SLC25A21: variants seen among roughly 807,000 people sequenced by gnomAD.
SLC25A21 encodes the protein solute carrier family 25 member 21.
In SLC25A21, 47 loss-of-function variants were observed where a neutral mutation model predicts 43.8. That is an observed-to-expected ratio of 1.07 (90% CI 0.85 to 1.37). SLC25A21 has a LOEUF of 1.37. Ranked by LOEUF, SLC25A21 falls within the 40% of genes most tolerant of loss-of-function variation. SLC25A21 has a pLI of 0.00. For missense variants in SLC25A21, 352 were observed against 350.2 expected, an observed-to-expected ratio of 1.00 and a Z score of -0.04; for synonymous variants, 131 against 121.3, an observed-to-expected ratio of 1.08 and a Z score of -0.52.
At chr14:37,160,327 A>C (rs1193037256) in intron 1 of SLC25A21, among the ~76,000 whole-genome samples, 1 of 152,246 alleles carries the variant, frequency 6.6e-6, no homozygotes, top group Non-Finnish European at 1.5e-5. Context: ...AGTGCCCATG[A>C]AAAGATGACT....
intron 1 of SLC25A21, among the ~76,000 whole-genome samples, chr14:37,167,713 C>T (rs928278292): frequency 6.6e-6 from 1 of 152,076 alleles, no homozygotes; most frequent in Non-Finnish European, 1.5e-5. Flanking sequence ...AGCCTAAGAT[C>T]AGGGCTTGAG....
chr14:36,872,390 A>G (rs754526226), intron 2 of SLC25A21, among the ~76,000 whole-genome samples: 3 of 152,148 alleles, frequency 2.0e-5, no homozygotes, highest in Non-Finnish European at 4.4e-5. Context: ...GATCAATACT[A>G]TTCCCTGGGT....
At chr14:36,864,309 A>C (rs540330159) in intron 2 of SLC25A21, among the ~76,000 whole-genome samples, 21 of 152,352 alleles carry the variant, frequency 1.4e-4, no homozygotes, top group Admixed American at 8.5e-4. Context: ...TTAAAACCAC[A>C]TAATTCACTG....
chr14:37,041,004 T>C (rs983390340), intron 1 of SLC25A21, among the ~76,000 whole-genome samples: 2 of 152,240 alleles, frequency 1.3e-5, no homozygotes, highest in Admixed American at 1.3e-4. Flanking sequence ...TGGATGTAAC[T>C]GTGCAGGAGT....
intron 1 of SLC25A21, among the ~76,000 whole-genome samples, chr14:37,047,782 T>C (rs1961619454): frequency 6.6e-6 from 1 of 152,158 alleles, no homozygotes; most frequent in African/African-American, 2.4e-5. Flanking sequence ...AACAAAACCT[T>C]TCTTGAATTT....
intron 1 of SLC25A21, among the ~76,000 whole-genome samples, chr14:37,069,671 T>TA (rs1037351616): frequency 6.6e-6 from 1 of 152,068 alleles, no homozygotes; most frequent in Non-Finnish European, 1.5e-5. Flanking sequence ...AATTTATTTG[T>TA]AAAAAAAATT....
chr14:36,901,146 G>A (rs961119904), intron 1 of SLC25A21, among the ~76,000 whole-genome samples: 1 of 152,152 alleles, frequency 6.6e-6, no homozygotes, highest in Non-Finnish European at 1.5e-5. Flanking sequence ...AGAGGGAGAA[G>A]AGCAGAGACC....
intron 1 of SLC25A21, among the ~76,000 whole-genome samples, chr14:37,034,523 G>A (rs1445506379): frequency 1.3e-5 from 2 of 152,168 alleles, no homozygotes; most frequent in East Asian, 1.9e-4. Context: ...CCACTCCAAA[G>A]GATCACCAAT....
chr14:36,761,118 C>A (rs1031032572), intron 3 of SLC25A21, among the ~76,000 whole-genome samples: 2 of 152,192 alleles, frequency 1.3e-5, no homozygotes, highest in Non-Finnish European at 2.9e-5. Flanking sequence ...AGGAGCTCAG[C>A]TCCTGCCCAT....
rs76276290 is a variant in SLC25A21, at chr14:37,046,018, C to T, written c.70+126263G>A. Among the ~76,000 whole-genome samples the T allele has an allele frequency of 6.2e-3, 950 of 152,296 alleles. 10 individuals carry two copies. Among genetic ancestry groups the T allele is most frequent in the African/African-American group, 0.02 (826 of 41,552 alleles). ...GTTTTCAGTGTTTTACATAAGTTAA[C>T]TTGCAGAAGCCTCACGACAACCCTA... is the stretch of plus-strand genomic sequence containing the variant. On this transcript the variant is annotated intron_variant, in intron 1 of 9. Transcript: ENST00000331299.
intron 9 of SLC25A21, among the ~76,000 whole-genome samples, chr14:36,682,126 C>T (rs1223240525): frequency 6.6e-6 from 1 of 152,074 alleles, no homozygotes; most frequent in African/African-American, 2.4e-5. Flanking sequence ...ACAAAAATTC[C>T]AGGCTCACCT....
chr14:36,978,802 T>C (rs1341255035), intron 1 of SLC25A21, among the ~76,000 whole-genome samples: 1 of 152,226 alleles, frequency 6.6e-6, no homozygotes, highest in African/African-American at 2.4e-5. Flanking sequence ...ATGATCTCAG[T>C]ACCTAAGCCA....
At chr14:37,038,401 C>G in intron 1 of SLC25A21, among the ~76,000 whole-genome samples, 1 of 152,180 alleles carries the variant, frequency 6.6e-6, no homozygotes, top group East Asian at 1.9e-4. Context: ...GTCCTCTCCC[C>G]TTTCCCAAAC....
At chr14:37,076,046 TG>T (rs1173536351) in intron 1 of SLC25A21, among the ~76,000 whole-genome samples, 6 of 152,358 alleles carry the variant, frequency 3.9e-5, no homozygotes, top group Admixed American at 3.9e-4. Flanking sequence ...CACCTTGCTC[TG>T]GCTCTCCCCT....
chr14:36,704,544 C>G (rs1883416927), intron 7 of SLC25A21, among the ~76,000 whole-genome samples: 1 of 151,550 alleles, frequency 6.6e-6, no homozygotes, highest in African/African-American at 2.4e-5. Flanking sequence ...GTAATCCCAG[C>G]TACTCAGGAG....
At chr14:37,157,806 G>A (rs1191343472) in intron 1 of SLC25A21, among the ~76,000 whole-genome samples, 1 of 152,002 alleles carries the variant, frequency 6.6e-6, no homozygotes, top group Non-Finnish European at 1.5e-5. Flanking sequence ...ACAAAAAGTT[G>A]GCTATTCAAA....
chr14:36,821,046 T>C (rs1406020007), intron 2 of SLC25A21, among the ~76,000 whole-genome samples: 1 of 152,230 alleles, frequency 6.6e-6, no homozygotes, highest in Non-Finnish European at 1.5e-5. Flanking sequence ...CTACAGAGTA[T>C]GTTTGCTTTC....
chr14:36,833,908 C>T (rs923538587), intron 2 of SLC25A21, among the ~76,000 whole-genome samples: 1 of 152,170 alleles, frequency 6.6e-6, no homozygotes, highest in Non-Finnish European at 1.5e-5. Context: ...AAGAAATGTG[C>T]ATGGGCTGGA....
intron 1 of SLC25A21, among the ~76,000 whole-genome samples, chr14:36,990,253 A>G (rs1960233832): frequency 6.6e-6 from 1 of 152,160 alleles, no homozygotes; most frequent in East Asian, 1.9e-4. Flanking sequence ...AGCAATTCCC[A>G]CAAGCAAAGC....
Sources: allele counts gnomAD v4.1 joint callset (sites outside exome capture counted in the v4.1 genomes callset), GRCh38; gene constraint gnomAD v4.1.1; transcripts MANE v1.5; gene names NCBI Gene and HGNC (gene_info 2026-07-23, HGNC 2026-07-21).